The following ZNF331 variants were observed in gnomAD, a reference collection of about 807,000 sequenced individuals.
ZNF331 encodes the protein C2H2-like zinc finger protein rearranged in thyroid adenomas.
A neutral mutation model predicts 7.0 loss-of-function variants in ZNF331; 2 were observed. That is an observed-to-expected ratio of 0.29 (90% CI 0.12 to 0.90). ZNF331 has a LOEUF of 0.90. ZNF331 is among the 40% of genes least tolerant of loss of function. The pLI is 0.58. For synonymous variants in ZNF331, 196 were observed against 205.4 expected (o/e 0.95, Z 0.39); for missense variants, 432 against 587.7 (o/e 0.74, Z 2.74).
At chr19:53,550,299 G>C (rs1005865883) in intron 2 of ZNF331, among the ~76,000 whole-genome samples, 1 of 152,136 alleles carries the variant, frequency 6.6e-6, no homozygotes, top group Non-Finnish European at 1.5e-5. Context: ...TTTTCTGTCC[G>C]AATGATCTTT....
chr19:53,533,788 G>C (rs1435800381), upstream of ZNF331, among the ~76,000 whole-genome samples: 1 of 152,094 alleles, frequency 6.6e-6, no homozygotes, highest in African/African-American at 2.4e-5. Context: ...TATTTTGTCT[G>C]ATATACGTAC....
intron 5 of ZNF331, among the ~76,000 whole-genome samples, chr19:53,574,578 A>G (rs1476388349): frequency 6.6e-6 from 1 of 151,982 alleles, no homozygotes; most frequent in African/African-American, 2.4e-5. Context: ...TCTGCCCTTT[A>G]TCATTCCTGA....
chr19:53,525,714 A>G (rs544540309), intron 2 of ZNF331, among the ~76,000 whole-genome samples: 4 of 152,140 alleles, frequency 2.6e-5, no homozygotes, highest in African/African-American at 7.2e-5. Flanking sequence ...GGTTTTTTAT[A>G]TGTATAAGAT....
At chr19:53,546,978 G>T (rs1328223064) in intron 2 of ZNF331, among the ~76,000 whole-genome samples, 2 of 152,062 alleles carry the variant, frequency 1.3e-5, no homozygotes, top group South Asian at 4.1e-4. Flanking sequence ...GGCAATTTGT[G>T]TATGTTTATG....
upstream of ZNF331, among the ~76,000 whole-genome samples, chr19:53,515,286 C>T (rs546712819): frequency 2.0e-5 from 3 of 152,306 alleles, no homozygotes; most frequent in South Asian, 6.2e-4. Context: ...GAAACCAAGT[C>T]TCCTCTGCAA....
At chr19:53,572,256 T>A (rs1244761572) in intron 5 of ZNF331, among the ~76,000 whole-genome samples, 5 of 152,148 alleles carry the variant, frequency 3.3e-5, no homozygotes, top group African/African-American at 1.2e-4. Flanking sequence ...CCCCGAACTG[T>A]GAGTTAAACA....
chr19:53,564,938 GA>G (rs888574005), intron 3 of ZNF331, among the ~76,000 whole-genome samples: 1 of 152,228 alleles, frequency 6.6e-6, no homozygotes, highest in East Asian at 1.9e-4. Flanking sequence ...ATCTTTCCTA[GA>G]AAAAACTGAT....
At chr19:53,546,444 C>G (rs1358094453) in intron 2 of ZNF331, among the ~76,000 whole-genome samples, 1 of 151,952 alleles carries the variant, frequency 6.6e-6, no homozygotes, top group Non-Finnish European at 1.5e-5. Flanking sequence ...TTGACCAGCC[C>G]TCTCCTTTGA....
intron 2 of ZNF331, among the ~76,000 whole-genome samples, chr19:53,546,207 T>C (rs1249201092): frequency 6.6e-6 from 1 of 150,772 alleles, no homozygotes; most frequent in East Asian, 2.0e-4. Context: ...TTTGCCATTA[T>C]GTCTAATGTC....
At chr19:53,564,121 A>G (rs1272710171) in intron 3 of ZNF331, among the ~76,000 whole-genome samples, 1 of 119,326 alleles carries the variant, frequency 8.4e-6, no homozygotes, top group African/African-American at 3.3e-5. Context: ...TCTGTTGCCC[A>G]GGCTGCAATA....
chr19:53,566,040 T>A (rs2090138205), intron 3 of ZNF331, among the ~76,000 whole-genome samples: 1 of 152,092 alleles, frequency 6.6e-6, no homozygotes, highest in African/African-American at 2.4e-5. Flanking sequence ...TTTCTCTAGA[T>A]GGACTCAACA....
chr19:53,509,834 G>T, the ZNF331 span, among the ~76,000 whole-genome samples: 2 of 152,188 alleles, frequency 1.3e-5, no homozygotes, highest in Non-Finnish European at 2.9e-5. Context: ...AGACTTAACT[G>T]AATCACAGTT....
At chr19:53,569,970 AGG>A (rs1287133482) in intron 4 of ZNF331, among the ~76,000 whole-genome samples, 1 of 136,740 alleles carries the variant, frequency 7.3e-6, no homozygotes, top group Non-Finnish European at 1.7e-5. Context: ...AATCAGAAAC[AGG>A]GGGCCGGGTG....
chr19:53,542,047 C>T (rs2088215899), intron 2 of ZNF331, among the ~76,000 whole-genome samples: 1 of 151,700 alleles, frequency 6.6e-6, no homozygotes, highest in South Asian at 2.1e-4. Flanking sequence ...ATTTATGTTT[C>T]TAGGCCTCTT....
chr19:53,536,336 G>A (rs1262829592), upstream of ZNF331: 1 of 152,108 alleles, frequency 6.6e-6, no homozygotes, highest in Non-Finnish European at 1.5e-5. Flanking sequence ...TTACCAGTGA[G>A]GAAACTTTAC....
chr19:53,507,699 CTCAACGG>C, the ZNF331 span, among the ~76,000 whole-genome samples: 2 of 152,074 alleles, frequency 1.3e-5, no homozygotes, highest in African/African-American at 4.8e-5. Flanking sequence ...GTTTGTTCCG[CTCAACGG>C]TCAGACTTGG....
chr19:53,572,546 T>C (rs1271260588), intron 5 of ZNF331, among the ~76,000 whole-genome samples: 4 of 102,596 alleles, frequency 3.9e-5, no homozygotes, highest in African/African-American at 2.6e-4. Flanking sequence ...CACACACATA[T>C]ATATTATATA....
upstream of ZNF331, among the ~76,000 whole-genome samples, chr19:53,515,724 C>T (rs1383578707): frequency 6.6e-6 from 1 of 152,052 alleles, no homozygotes; most frequent in East Asian, 1.9e-4. Flanking sequence ...CTCAAACTCC[C>T]GACCTCAGGT....
At position 53,566,181 on chromosome 19, in the gene ZNF331, C is replaced by T. The variant is rs575775097; in HGVS notation, c.-73-3123C>T. Among the ~76,000 whole-genome samples, 6 of 151,934 alleles carry T rather than the reference C, an allele frequency of 3.9e-5. No individual in the cohort carries two copies. In the South Asian group the frequency reaches 1.2e-3, roughly 32 times the overall value. On this transcript the variant is annotated intron_variant, in intron 3 of 5. Transcript: ENST00000449416. ...GGCTCCCTCTTCCTCAGTCCTCTCC[C>T]AGGGGCATCACACCGGATGTGCCTG... is the stretch of plus-strand genomic sequence containing the variant.
Sources: gnomAD v4.1 joint callset for allele counts (sites outside exome capture counted in the v4.1 genomes callset) on GRCh38, gnomAD v4.1.1 for gene constraint, MANE v1.5 for transcripts, NCBI Gene and HGNC (gene_info 2026-07-23, HGNC 2026-07-21) for gene names.